The following FOXN3 variants were observed in gnomAD, a reference collection of about 807,000 sequenced individuals.
FOXN3 encodes the protein forkhead box N3, also known as forkhead box protein N3.
In FOXN3, 7 loss-of-function variants were observed where a neutral mutation model predicts 38.4. The ratio of observed to expected loss-of-function variants is 0.18; its 90% CI spans 0.10 to 0.34. FOXN3 has a LOEUF of 0.34. Among genes scored for constraint, FOXN3 ranks in the 10% least tolerant of loss-of-function variants. FOXN3 has a pLI of 1.00. For synonymous variants in FOXN3, 230 were observed against 242.2 expected, an observed-to-expected ratio of 0.95 and a Z score of 0.47; for missense variants, 456 against 613.4, an observed-to-expected ratio of 0.74 and a Z score of 2.71.
intron 1 of FOXN3, among the ~76,000 whole-genome samples, chr14:89,557,386 C>T (rs1323013096): frequency 2.0e-5 from 3 of 152,126 alleles, no homozygotes; most frequent in East Asian, 1.9e-4. Context: ...TCTGATGGAG[C>T]TCCTGTCCCA....
intron 1 of FOXN3, among the ~76,000 whole-genome samples, chr14:89,610,810 T>C (rs1458948695): frequency 6.6e-6 from 1 of 152,204 alleles, no homozygotes; most frequent in African/African-American, 2.4e-5. Context: ...GCTCACTGAA[T>C]GAACGTGAGG....
At chr14:89,336,429 T>TGATA (rs1228451296) in intron 3 of FOXN3, among the ~76,000 whole-genome samples, 1 of 152,116 alleles carries the variant, frequency 6.6e-6, no homozygotes, top group Non-Finnish European at 1.5e-5. Context: ...TTTTAACAAG[T>TGATA]GATATGTCAT....
intron 1 of FOXN3, among the ~76,000 whole-genome samples, chr14:89,458,507 A>C (rs951249119): frequency 5.9e-5 from 9 of 152,208 alleles, no homozygotes; most frequent in African/African-American, 2.2e-4. Flanking sequence ...CCTCTTACCA[A>C]GTATTTTACA....
chr14:89,555,637 T>C (rs1462507233), intron 1 of FOXN3, among the ~76,000 whole-genome samples: 1 of 152,234 alleles, frequency 6.6e-6, no homozygotes, highest in Non-Finnish European at 1.5e-5. Context: ...ACTGGTCTTT[T>C]GGACAGTGCT....
chr14:89,296,589 G>A (rs1274551280), intron 3 of FOXN3, among the ~76,000 whole-genome samples: 1 of 152,214 alleles, frequency 6.6e-6, no homozygotes, highest in Non-Finnish European at 1.5e-5. Flanking sequence ...CATCTCTGAA[G>A]CAGCAACTTG....
chr14:89,456,206 A>AG (rs947879186), intron 1 of FOXN3, among the ~76,000 whole-genome samples: 25 of 151,370 alleles, frequency 1.7e-4, no homozygotes, highest in Admixed American at 8.6e-4. Context: ...AAAAAAAAAA[A>AG]AAAAAAAACT....
At chr14:89,556,126 G>A (rs1352477728) in intron 1 of FOXN3, among the ~76,000 whole-genome samples, 1 of 152,214 alleles carries the variant, frequency 6.6e-6, no homozygotes, top group African/African-American at 2.4e-5. Flanking sequence ...ATCAGAGGCC[G>A]GGTGTGATGG....
intron 1 of FOXN3, among the ~76,000 whole-genome samples, chr14:89,441,734 C>T (rs1226344750): frequency 2.0e-5 from 3 of 152,114 alleles, no homozygotes; most frequent in Non-Finnish European, 4.4e-5. Flanking sequence ...TGAAATAAAG[C>T]GTCCTCTTGA....
chr14:89,205,260 A>T (rs1295267399), intron 4 of FOXN3, among the ~76,000 whole-genome samples: 1 of 152,076 alleles, frequency 6.6e-6, no homozygotes. Context: ...CCGAATCACC[A>T]AGGTGAAAGC....
chr14:89,475,311 A>C (rs190915451), intron 1 of FOXN3, among the ~76,000 whole-genome samples: 26 of 152,342 alleles, frequency 1.7e-4, no homozygotes, highest in African/African-American at 6.3e-4. Context: ...AAATAAATCA[A>C]ATGCTGTGGT....
At chr14:89,530,873 G>C (rs1894546359) in intron 1 of FOXN3, among the ~76,000 whole-genome samples, 1 of 149,910 alleles carries the variant, frequency 6.7e-6, no homozygotes, top group African/African-American at 2.4e-5. Flanking sequence ...ACCTCCCAAA[G>C]TGCTGGGATT....
At position 89,363,987 on chromosome 14, in the gene FOXN3, T is replaced by C. The variant is rs1444982496; in HGVS notation, c.544-13179A>G. ...ATATATATATATATATATATATATA[T>C]AATATATATATATATTCTTCCATAT... On this transcript the variant is annotated intron_variant, in intron 2 of 5. Transcript: ENST00000557258. Among the ~76,000 whole-genome samples, 8 of 67,172 alleles carry C rather than the reference T, an allele frequency of 1.2e-4. No homozygotes were observed. In the East Asian group the frequency reaches 2.4e-3, roughly 20 times the overall value. 44.1% of individuals were successfully genotyped at this position (67,172 alleles called of 152,430 possible).
rs71130055 is a variant in FOXN3 at position 89,333,966 on chromosome 14, GTATATATATATATATATATATA to G, written c.680+16684_680+16705del. 9.9e-5 allele frequency among the ~76,000 whole-genome samples: 13 copies of G among 131,546 alleles called. 1 individual carries two copies. The highest frequency in any genetic ancestry group is 3.2e-4 in the African/African-American group (11 of 34,238). 86.3% of individuals were successfully genotyped at this position (131,546 alleles called of 152,430 possible). On this transcript the variant is annotated intron_variant, in intron 3 of 5. Coordinates refer to ENST00000557258, the MANE Select transcript of FOXN3 (RefSeq NM_005197.4). ...TAAATTAATGAAGAAAATGTGGTGTGTATATATATATATATATATATATATATATATATATATATATATGTAT... is the reference window on the plus strand; with the variant it reads ...TAAATTAATGAAGAAAATGTGGTGTGTATATATATATATATATATATGTAT...
chr14:89,183,832 A>T (rs1887735233), intron 4 of FOXN3: 1 of 152,226 alleles, frequency 6.6e-6, no homozygotes. Flanking sequence ...GCTGACAGCC[A>T]GGCTCTGCAA....
chr14:89,288,708 CTCTCTCTCTCTCTCTCTATATATATA>C (rs1886739909), intron 3 of FOXN3, among the ~76,000 whole-genome samples: 17 of 81,788 alleles, frequency 2.1e-4, no homozygotes, highest in Admixed American at 4.4e-4. Context: ...CTCTCTCTCT[CTCTCTCTCTCTCTCTCTATATATATA>C]TATATATATA....
intron 2 of FOXN3, among the ~76,000 whole-genome samples, chr14:89,388,053 G>A (rs1184627250): frequency 1.3e-5 from 2 of 152,168 alleles, no homozygotes; most frequent in Non-Finnish European, 2.9e-5. Context: ...GCGTGGTGGC[G>A]TGCACCTGTA....
intron 1 of FOXN3, among the ~76,000 whole-genome samples, chr14:89,431,338 G>A (rs902400819): frequency 6.6e-6 from 1 of 152,114 alleles, no homozygotes; most frequent in Non-Finnish European, 1.5e-5. Flanking sequence ...AGCCTCCCAA[G>A]TAACTGGGAT....
At chr14:89,360,162 C>T (rs1889405038) in intron 2 of FOXN3, among the ~76,000 whole-genome samples, 4 of 152,114 alleles carry the variant, frequency 2.6e-5, no homozygotes. Context: ...GCCCCCACTG[C>T]ACAAAATGCC....
intron 1 of FOXN3, among the ~76,000 whole-genome samples, chr14:89,510,761 G>A (rs981265734): frequency 3.3e-5 from 5 of 152,172 alleles, no homozygotes. Context: ...GGCCAACATG[G>A]TGAAACACCG....
Sources: allele counts gnomAD v4.1 joint callset (sites outside exome capture counted in the v4.1 genomes callset), GRCh38; gene constraint gnomAD v4.1.1; transcripts MANE v1.5; gene names NCBI Gene and HGNC (gene_info 2026-07-23, HGNC 2026-07-21).